DPYD: variants seen among roughly 807,000 people sequenced by gnomAD.
DPYD encodes dihydropyrimidine dehydrogenase.
In DPYD, 109 loss-of-function variants were observed where a neutral mutation model predicts 116.2. That is an observed-to-expected ratio of 0.94 (90% CI 0.80 to 1.10). DPYD has a LOEUF of 1.10. Ranked by LOEUF, DPYD falls within the 50% of genes least tolerant of loss-of-function variation. The pLI is 0.00. For missense variants in DPYD, 1,302 were observed against 1,254.5 expected (o/e 1.04, Z -0.57); for synonymous variants, 440 against 432.0 (o/e 1.02, Z -0.23).
intron 18 of DPYD, among the ~76,000 whole-genome samples, chr1:97,288,380 T>C (rs1247992638): frequency 6.6e-6 from 1 of 151,392 alleles, no homozygotes; most frequent in Non-Finnish European, 1.5e-5. Flanking sequence ...CAACAGAATA[T>C]ACATTTTTTT....
intron 13 of DPYD, chr1:97,514,058 A>G: frequency 4.8e-6 from 2 of 416,810 alleles, no homozygotes; most frequent in Non-Finnish European, 6.4e-6. Flanking sequence ...GCATGGTTAC[A>G]TTTCATGTGC....
intron 4 of DPYD, among the ~76,000 whole-genome samples, chr1:97,733,938 G>A (rs1433599442): frequency 6.6e-6 from 1 of 151,858 alleles, no homozygotes; most frequent in Non-Finnish European, 1.5e-5. Flanking sequence ...TCACTTATAT[G>A]ACTTCTATAA....
chr1:97,240,682 T>G (rs1209244383), intron 18 of DPYD, among the ~76,000 whole-genome samples: 2 of 151,990 alleles, frequency 1.3e-5, no homozygotes, highest in Non-Finnish European at 2.9e-5. Flanking sequence ...GAACCTTGAC[T>G]GTCTAATTGT....
chr1:97,785,811 G>A (rs998884208), intron 3 of DPYD, among the ~76,000 whole-genome samples: 1 of 147,868 alleles, frequency 6.8e-6, no homozygotes, highest in Non-Finnish European at 1.5e-5. Context: ...TCCTGCCTCA[G>A]CCTCCCTAGT....
intron 14 of DPYD, among the ~76,000 whole-genome samples, chr1:97,398,104 A>C (rs1405925800): frequency 1.3e-5 from 2 of 151,720 alleles, no homozygotes; most frequent in African/African-American, 4.8e-5. Context: ...CACTCCCCCA[A>C]CCCCACAACA....
rs1336781099 is a variant in DPYD, at chr1:97,823,963, A to C, written c.233+4151T>G. On this transcript the variant is annotated intron_variant, in intron 3 of 22. Coordinates refer to ENST00000370192, the MANE Select transcript of DPYD (RefSeq NM_000110.4). The stretch of plus-strand genomic sequence containing the variant: ...TATACCATTTACTGGGTGATTGAAC[A>C]TGTCCTGAACTACTTGGGGTACTTC... 2.0e-5 allele frequency among the ~76,000 whole-genome samples: 3 copies of C among 150,860 alleles called. No individual in the cohort carries two copies. In the East Asian group the frequency reaches 5.9e-4, roughly 30 times the overall value.
chr1:97,268,998 T>C (rs1664405082), intron 18 of DPYD, among the ~76,000 whole-genome samples: 1 of 152,128 alleles, frequency 6.6e-6, no homozygotes, highest in Non-Finnish European at 1.5e-5. Context: ...CTTTAAAACA[T>C]TTCTCTCTCT....
intron 16 of DPYD, among the ~76,000 whole-genome samples, chr1:97,363,926 T>A (rs1670886196): frequency 6.6e-6 from 1 of 152,236 alleles, no homozygotes; most frequent in African/African-American, 2.4e-5. Context: ...GTTGTGCACA[T>A]GTACCCTAGA....
intron 11 of DPYD, among the ~76,000 whole-genome samples, chr1:97,556,418 A>G (rs1205152924): frequency 6.7e-6 from 1 of 149,074 alleles, no homozygotes; most frequent in African/African-American, 2.5e-5. Flanking sequence ...GGTTAGTTAC[A>G]TATGTATACA....
intron 20 of DPYD, among the ~76,000 whole-genome samples, chr1:97,167,277 C>T (rs567363073): frequency 1.3e-5 from 2 of 152,076 alleles, no homozygotes; most frequent in African/African-American, 4.8e-5. Flanking sequence ...TATACTCTCT[C>T]GATTTTATTT....
At chr1:97,442,827 A>G (rs1249711180) in intron 14 of DPYD, among the ~76,000 whole-genome samples, 3 of 152,206 alleles carry the variant, frequency 2.0e-5, no homozygotes, top group Admixed American at 1.3e-4. Flanking sequence ...TGGGCAATAT[A>G]CTTTAAAAGC....
intron 18 of DPYD, among the ~76,000 whole-genome samples, chr1:97,293,525 A>G (rs542080131): frequency 6.6e-6 from 1 of 152,352 alleles, no homozygotes; most frequent in South Asian, 2.1e-4. Context: ...ATAGCATAAC[A>G]TGTGAAAAGC....
intron 8 of DPYD, among the ~76,000 whole-genome samples, chr1:97,613,585 C>T (rs1656081928): frequency 6.6e-6 from 1 of 151,844 alleles, no homozygotes; most frequent in African/African-American, 2.4e-5. Context: ...CATGATCTGC[C>T]AATATGTGTT....
At chr1:97,364,739 T>C (rs900520870) in intron 16 of DPYD, among the ~76,000 whole-genome samples, 30 of 152,176 alleles carry the variant, frequency 2.0e-4, no homozygotes, top group African/African-American at 7.0e-4. Flanking sequence ...GGGGTTGTAA[T>C]AGTTCTCAGA....
intron 20 of DPYD, among the ~76,000 whole-genome samples, chr1:97,103,200 G>A (rs1016391034): frequency 1.3e-5 from 2 of 152,150 alleles, no homozygotes; most frequent in African/African-American, 4.8e-5. Context: ...TTTCTGTTCT[G>A]TAGTTTCTGA....
chr1:97,854,174 A>G (rs1158567134), intron 2 of DPYD, among the ~76,000 whole-genome samples: 1 of 152,202 alleles, frequency 6.6e-6, no homozygotes, highest in Non-Finnish European at 1.5e-5. Context: ...CCTCTATGCA[A>G]ATAAATTTTG....
At chr1:97,462,511 G>T (rs945471174) in intron 13 of DPYD, among the ~76,000 whole-genome samples, 2 of 152,102 alleles carry the variant, frequency 1.3e-5, no homozygotes, top group Non-Finnish European at 2.9e-5. Flanking sequence ...TTCAGACCAT[G>T]ATGGGAAGGT....
intron 1 of DPYD, among the ~76,000 whole-genome samples, chr1:97,905,655 C>T (rs770233997): frequency 4.6e-5 from 7 of 152,030 alleles, no homozygotes; most frequent in Non-Finnish European, 2.9e-5. Context: ...TCCACTGCAA[C>T]CATCTGGCCT....
chr1:97,418,233 T>C (rs1463269146), intron 14 of DPYD, among the ~76,000 whole-genome samples: 2 of 152,164 alleles, frequency 1.3e-5, no homozygotes, highest in Admixed American at 1.3e-4. Flanking sequence ...GCAAGCTTTC[T>C]TCAAAACACA....
Sources: allele counts gnomAD v4.1 joint callset (sites outside exome capture counted in the v4.1 genomes callset), GRCh38; gene constraint gnomAD v4.1.1; transcripts MANE v1.5; gene names NCBI Gene and HGNC (gene_info 2026-07-23, HGNC 2026-07-21).